Variants in AFF3 observed in about 807,000 individuals in gnomAD.
AFF3 encodes AF4/FMR2 family member 3.
In AFF3, 32 loss-of-function variants were observed where a neutral mutation model predicts 129.7. The observed-to-expected ratio is 0.25, with a 90% CI of 0.19 to 0.33. AFF3 has a LOEUF of 0.33. Among genes scored for constraint, AFF3 ranks in the 10% least tolerant of loss-of-function variants. AFF3 has a pLI of 1.00. For synonymous variants in AFF3, 644 were observed against 635.4 expected (o/e 1.01, Z -0.20); for missense variants, 1,373 against 1,592.0 (o/e 0.86, Z 2.34).
intron 11 of AFF3, among the ~76,000 whole-genome samples, chr2:99,709,051 GA>G (rs1405963810): frequency 2.0e-5 from 3 of 152,190 alleles, no homozygotes; most frequent in Admixed American, 6.5e-5. Flanking sequence ...ACCAGAAGGA[GA>G]AACAAAATAA....
chr2:100,077,999 A>G (rs1688722905), intron 4 of AFF3, among the ~76,000 whole-genome samples: 1 of 152,106 alleles, frequency 6.6e-6, no homozygotes, highest in African/African-American at 2.4e-5. Flanking sequence ...TCGACAACTC[A>G]CTCCTTCAGA....
chr2:99,552,386 C>T (rs947516689), intron 24 of AFF3, among the ~76,000 whole-genome samples: 3 of 152,030 alleles, frequency 2.0e-5, no homozygotes, highest in Non-Finnish European at 2.9e-5. Context: ...CAAGACTCCG[C>T]CTCAAAAACA....
chr2:99,928,175 C>T (rs768321890), intron 7 of AFF3, among the ~76,000 whole-genome samples: 4 of 152,134 alleles, frequency 2.6e-5, no homozygotes, highest in Non-Finnish European at 2.9e-5. Context: ...TTATCAGCAG[C>T]GTGAAAACAG....
intron 7 of AFF3, among the ~76,000 whole-genome samples, chr2:99,964,896 C>T (rs1677591591): frequency 6.6e-6 from 1 of 152,162 alleles, no homozygotes; most frequent in African/African-American, 2.4e-5. Context: ...GAAGGGTACA[C>T]AATCTCCTTG....
At chr2:99,798,210 T>C (rs1454925977) in intron 8 of AFF3, among the ~76,000 whole-genome samples, 1 of 152,018 alleles carries the variant, frequency 6.6e-6, no homozygotes, top group African/African-American at 2.4e-5. Flanking sequence ...AGATGTCTAC[T>C]ATAATTCCTA....
intron 11 of AFF3, among the ~76,000 whole-genome samples, chr2:99,695,036 A>G (rs1303401081): frequency 1.3e-5 from 2 of 152,100 alleles, no homozygotes; most frequent in African/African-American, 4.8e-5. Flanking sequence ...ATTAATTTAA[A>G]TAATATAATT....
intron 7 of AFF3, among the ~76,000 whole-genome samples, chr2:99,883,916 G>C (rs185132935): frequency 6.6e-6 from 1 of 152,302 alleles, no homozygotes; most frequent in East Asian, 1.9e-4. Context: ...CAGGGGCCTT[G>C]TTTATTAAGC....
intron 12 of AFF3, among the ~76,000 whole-genome samples, chr2:99,653,917 T>C (rs1685514625): frequency 1.3e-5 from 2 of 148,798 alleles, no homozygotes; most frequent in African/African-American, 5.0e-5. Flanking sequence ...TTCACTCTTG[T>C]TGCCCAGGCT....
At chr2:99,565,687 G>A (rs1675894836) in intron 19 of AFF3, 64 bp from the exon 20 acceptor site, 6 of 1,571,508 alleles carry the variant, frequency 3.8e-6, no homozygotes, top group East Asian at 4.5e-5. Context: ...GCATTGTCAT[G>A]TAGTTTATAC....
chr2:100,007,016 T>G lies in AFF3; in HGVS notation c.489A>C (p.Thr163=). Residue 163 remains threonine, a splice_region_variant and synonymous_variant, in exon 7 of 25, where the codon ACA becomes ACC. Transcript: ENST00000672756. Reference sequence around the variant, plus strand: ...GCAAGGTCCTGAGAGAGCCCTGTTGTGCTGAGTTGGAAGAAGAAGAAGAGG... The same window carrying G: ...GCAAGGTCCTGAGAGAGCCCTGTTGGGCTGAGTTGGAAGAAGAAGAAGAGG... ...HPPSDGQQRA[T]QQGSLRTLLG... 6.2e-7 allele frequency: 1 copy of G among 1,604,282 alleles called. No homozygotes were observed. The highest frequency in any genetic ancestry group is 1.1e-5 in the South Asian group (1 of 90,228).
chr2:100,132,389 A>G (rs1346452599), intron 1 of AFF3, among the ~76,000 whole-genome samples: 5 of 152,222 alleles, frequency 3.3e-5, no homozygotes, highest in African/African-American at 7.2e-5. Context: ...CAATCAGAAA[A>G]TAACTCTAGA....
intron 4 of AFF3, among the ~76,000 whole-genome samples, chr2:100,078,210 CA>C (rs1201708231): frequency 1.3e-5 from 2 of 152,214 alleles, no homozygotes; most frequent in Non-Finnish European, 2.9e-5. Flanking sequence ...CCAGGTACCA[CA>C]TTATCAAAGA....
At position 100,103,718 on chromosome 2, in the gene AFF3, G is replaced by C. The variant is rs1573433959; in HGVS notation, c.53+684C>G. 3.3e-5 allele frequency among the ~76,000 whole-genome samples: 5 copies of C among 152,108 alleles called. 1 individual carries two copies. Among genetic ancestry groups the C allele is most frequent in the Admixed American group, 3.3e-4 (5 of 15,286 alleles). On this transcript the variant is annotated intron_variant, in intron 4 of 24. Coordinates refer to ENST00000672756, the MANE Select transcript of AFF3 (RefSeq NM_001386135.1). ...GTGAGCGTGGCATAAAGGGATACCC[G>C]GGGCGCCCGGGTGGGGTGGGGAGGA...
chr2:100,030,296 A>C (rs933982151), intron 4 of AFF3, among the ~76,000 whole-genome samples: 44 of 152,140 alleles, frequency 2.9e-4, no homozygotes, highest in African/African-American at 1.1e-3. Context: ...TTTTACAATA[A>C]GATTTGTCAT....
chr2:99,853,215 C>T (rs1357001083), intron 7 of AFF3, among the ~76,000 whole-genome samples: 2 of 152,118 alleles, frequency 1.3e-5, no homozygotes, highest in African/African-American at 2.4e-5. Flanking sequence ...ACCATATGGC[C>T]CTACAGCAGG....
chr2:99,922,419 TG>T (rs1695922598), intron 7 of AFF3, among the ~76,000 whole-genome samples: 1 of 152,206 alleles, frequency 6.6e-6, no homozygotes, highest in African/African-American at 2.4e-5. Flanking sequence ...ACAATGATAC[TG>T]ATGAATCTCC....
At chr2:99,842,424 G>C (rs1689386243) in intron 7 of AFF3, among the ~76,000 whole-genome samples, 1 of 152,066 alleles carries the variant, frequency 6.6e-6, no homozygotes, top group Non-Finnish European at 1.5e-5. Flanking sequence ...GCTGCACAAT[G>C]CACATTTTAA....
intron 8 of AFF3, among the ~76,000 whole-genome samples, chr2:99,782,368 C>T (rs1035790249): frequency 2.0e-5 from 3 of 152,146 alleles, no homozygotes; most frequent in African/African-American, 7.2e-5. Context: ...GTAGAAGGAA[C>T]AGAACTCAAA....
intron 8 of AFF3, among the ~76,000 whole-genome samples, chr2:99,786,916 TA>T (rs1458036284): frequency 6.6e-6 from 1 of 152,162 alleles, no homozygotes; most frequent in African/African-American, 2.4e-5. Context: ...CATACCATCT[TA>T]GCTAAGCATT....
Sources: allele counts gnomAD v4.1 joint callset (sites outside exome capture counted in the v4.1 genomes callset), GRCh38; gene constraint gnomAD v4.1.1; transcripts MANE v1.5; gene names NCBI Gene and HGNC (gene_info 2026-07-23, HGNC 2026-07-21).